Variants in ARHGEF7 observed in about 807,000 individuals in gnomAD.
The protein encoded by ARHGEF7 is PAK-interacting exchange factor beta.
A neutral mutation model predicts 109.8 loss-of-function variants in ARHGEF7; 33 were observed. The observed-to-expected ratio is 0.30, with a 90% CI of 0.23 to 0.40. The LOEUF (loss-of-function observed/expected upper bound fraction) is 0.40. Among genes scored for constraint, ARHGEF7 ranks in the 10% least tolerant of loss-of-function variants. ARHGEF7 has a pLI of 1.00. For synonymous variants in ARHGEF7, 458 were observed against 424.6 expected, an observed-to-expected ratio of 1.08 and a Z score of -0.97; for missense variants, 938 against 1,098.5, an observed-to-expected ratio of 0.85 and a Z score of 2.07.
At chr13:111,241,916 C>G (rs542552363) in intron 6 of ARHGEF7, among the ~76,000 whole-genome samples, 9 of 152,296 alleles carry the variant, frequency 5.9e-5, no homozygotes, top group Non-Finnish European at 1.0e-4. Context: ...TTATTTAGCT[C>G]AAGATCTCAT....
intron 5 of ARHGEF7, among the ~76,000 whole-genome samples, chr13:111,227,378 A>G (rs1042438837): frequency 1.3e-5 from 2 of 152,386 alleles, no homozygotes; most frequent in East Asian, 3.9e-4. Flanking sequence ...AGAAGTGTCC[A>G]TAGCCACCGC....
intron 1 of ARHGEF7, among the ~76,000 whole-genome samples, chr13:111,139,316 G>A (rs754979088): frequency 2.0e-5 from 3 of 152,114 alleles, no homozygotes; most frequent in Admixed American, 1.3e-4. Context: ...CCCTTCCCTC[G>A]CCGGCTCCTT....
At chr13:111,140,340 C>G (rs2075290574) in intron 1 of ARHGEF7, among the ~76,000 whole-genome samples, 1 of 152,158 alleles carries the variant, frequency 6.6e-6, no homozygotes, top group Non-Finnish European at 1.5e-5. Flanking sequence ...TGGAGGAAAA[C>G]AGCAGGTGGC....
chr13:111,270,131 C>T (rs1243186592), intron 9 of ARHGEF7, among the ~76,000 whole-genome samples: 1 of 152,208 alleles, frequency 6.6e-6, no homozygotes, highest in African/African-American at 2.4e-5. Flanking sequence ...CCTTCTGCAG[C>T]GTCCAGTGAT....
Position 111,283,242 on chromosome 13 carries a change from C to A in ARHGEF7, c.1829C>A (p.Thr610Asn), listed in dbSNP as rs763244609. Residue 610 changes from threonine (T) to asparagine (N), a missense_variant, in exon 16 of 22, where the codon ACC (threonine) becomes AAC (asparagine). Physicochemically the swap from Thr to Asn is moderately conservative, Grantham distance 65 (BLOSUM62 0). Coordinates refer to ENST00000646102, the MANE Select transcript of ARHGEF7 (RefSeq NM_001354046.2). ...CTGCCCCACCCCTCCCACCACGGCA[C>A]CCCGCACACCACCATCAACTGGGGA... ...HTLPHPSHHG[T>N]PHTTINWGPL... 5.0e-6 allele frequency: 8 copies of A among 1,587,768 alleles called. No individual in the cohort carries two copies. Among genetic ancestry groups the A allele is most frequent in the Non-Finnish European group, 6.8e-6 (8 of 1,169,420 alleles).
At chr13:111,154,899 A>G (rs1371153198) in intron 2 of ARHGEF7, among the ~76,000 whole-genome samples, 1 of 152,162 alleles carries the variant, frequency 6.6e-6, no homozygotes, top group African/African-American at 2.4e-5. Flanking sequence ...GAGATGGGCA[A>G]TATCAAGCTC....
At chr13:111,293,444 A>G in intron 19 of ARHGEF7, 1 of 985,160 alleles carries the variant, frequency 1.0e-6, no homozygotes, top group South Asian at 4.7e-5. Flanking sequence ...TTTAAAAAAA[A>G]AAAAAAAAAA....
intron 4 of ARHGEF7, 80 bp downstream of exon 4, chr13:111,210,082 T>C: frequency 6.4e-7 from 1 of 1,569,848 alleles, no homozygotes; most frequent in South Asian, 1.1e-5. Context: ...AAGATACGTA[T>C]GCCTCCATTA....
intron 2 of ARHGEF7, among the ~76,000 whole-genome samples, chr13:111,156,303 T>C (rs1484408832): frequency 6.6e-6 from 1 of 152,158 alleles, no homozygotes; most frequent in Non-Finnish European, 1.5e-5. Flanking sequence ...TAGAATGAAC[T>C]TGAGGTTGTA....
chr13:111,284,323 C>T (rs113720598), intron 16 of ARHGEF7, among the ~76,000 whole-genome samples: 3 of 152,090 alleles, frequency 2.0e-5, no homozygotes, highest in African/African-American at 7.2e-5. Context: ...TTTTAAGGCC[C>T]ACAGGAAAGT....
intron 19 of ARHGEF7, chr13:111,294,613 T>C (rs2093383880): frequency 1.0e-6 from 1 of 985,380 alleles, no homozygotes; most frequent in African/African-American, 1.7e-5. Flanking sequence ...CATTAGCTTT[T>C]GTGATCTGGT....
At chr13:111,166,757 C>T (rs1419978102) in intron 2 of ARHGEF7, among the ~76,000 whole-genome samples, 1 of 152,214 alleles carries the variant, frequency 6.6e-6, no homozygotes, top group Non-Finnish European at 1.5e-5. Context: ...ATCAGGATAT[C>T]TGTGAGATGC....
intron 2 of ARHGEF7, among the ~76,000 whole-genome samples, chr13:111,154,361 G>C (rs2076131851): frequency 6.6e-6 from 1 of 152,222 alleles, no homozygotes; most frequent in Admixed American, 6.5e-5. Flanking sequence ...TCTGCTTTTA[G>C]AGATTGTCAT....
intron 8 of ARHGEF7, among the ~76,000 whole-genome samples, chr13:111,263,670 A>G (rs563757762): frequency 6.6e-6 from 1 of 152,340 alleles, no homozygotes; most frequent in African/African-American, 2.4e-5. Context: ...AGTGCTCTTC[A>G]GTCCTCCTAG....
At chr13:111,279,751 G>A (rs955557248) in intron 13 of ARHGEF7, among the ~76,000 whole-genome samples, 1 of 152,196 alleles carries the variant, frequency 6.6e-6, no homozygotes, top group Non-Finnish European at 1.5e-5. Flanking sequence ...ACCATTTTGT[G>A]CATTGTGTGC....
At chr13:111,294,165 A>G in intron 19 of ARHGEF7, 12 of 985,404 alleles carry the variant, frequency 1.2e-5, no homozygotes, top group African/African-American at 1.7e-5. Flanking sequence ...AGTAAATGGG[A>G]TTTTTGGAGA....
intron 1 of ARHGEF7, among the ~76,000 whole-genome samples, chr13:111,134,642 TTG>T (rs2074994812): frequency 6.6e-6 from 1 of 150,884 alleles, no homozygotes; most frequent in Non-Finnish European, 1.5e-5. Flanking sequence ...ATGGGGTTGT[TTG>T]TTTTTTTCTT....
At chr13:111,274,383 A>G (rs1278978652) in intron 10 of ARHGEF7, among the ~76,000 whole-genome samples, 4 of 152,142 alleles carry the variant, frequency 2.6e-5, no homozygotes, top group African/African-American at 9.7e-5. Context: ...GAGTTGGCAA[A>G]CCTTTTCTAT....
chr13:111,182,866 A>G (rs1175113936), intron 2 of ARHGEF7, among the ~76,000 whole-genome samples: 4 of 152,220 alleles, frequency 2.6e-5, no homozygotes, highest in African/African-American at 9.6e-5. Context: ...GTACCCATAC[A>G]GCCAGTTTTT....
Sources: allele counts gnomAD v4.1 joint callset (sites outside exome capture counted in the v4.1 genomes callset), GRCh38; gene constraint gnomAD v4.1.1; transcripts MANE v1.5; gene names NCBI Gene and HGNC (gene_info 2026-07-23, HGNC 2026-07-21).